ARAP2: variants seen among roughly 807,000 people sequenced by gnomAD.
The protein encoded by ARAP2 is arf-GAP with Rho-GAP domain, ANK repeat and PH domain-containing protein 2.
In ARAP2, 148 loss-of-function variants were observed where a neutral mutation model predicts 194.5. That is an observed-to-expected ratio of 0.76 (90% confidence interval 0.67 to 0.87). The LOEUF is 0.87. Ranked by LOEUF, ARAP2 falls within the 40% of genes least tolerant of loss-of-function variation. The pLI, the probability that ARAP2 is intolerant of heterozygous loss-of-function variation, is 0.00. For missense variants in ARAP2, 2,128 were observed against 1,989.7 expected, an observed-to-expected ratio of 1.07 and a Z score of -1.32; for synonymous variants, 695 against 683.5, an observed-to-expected ratio of 1.02 and a Z score of -0.26.
At chr4:36,173,543 G>GA (rs1281887300) in intron 9 of ARAP2, among the ~76,000 whole-genome samples, 6 of 151,568 alleles carry the variant, frequency 4.0e-5, no homozygotes, top group African/African-American at 1.5e-4. Context: ...AAATAGTTCA[G>GA]AAAAAAATTG....
At chr4:36,069,990 G>A (rs1423691577) in intron 32 of ARAP2, among the ~76,000 whole-genome samples, 1 of 151,898 alleles carries the variant, frequency 6.6e-6, no homozygotes, top group Admixed American at 6.6e-5. Context: ...CTTCCCCTTT[G>A]CGTTCTGCTA....
chr4:36,161,868 G>A lies in ARAP2; in HGVS notation c.2174-318C>T, dbSNP rs578259409. On this transcript the variant is annotated intron_variant, in intron 11 of 32. Transcript: ENST00000303965. ...TCACGCCTGTAATCCCAGCACTTTG[G>A]AAGGCCGAGGCGGGCGGATCACGAG... is the stretch of plus-strand genomic sequence containing the variant. 7.9e-5 allele frequency among the ~76,000 whole-genome samples: 12 copies of A among 151,248 alleles called. 1 individual carries two copies. In the South Asian group the frequency reaches 1.9e-3, roughly 24 times the overall value.
At chr4:36,040,659 A>T (rs758208962) in intron 5 of ARAP2, among the ~76,000 whole-genome samples, 8 of 151,338 alleles carry the variant, frequency 5.3e-5, no homozygotes, top group Non-Finnish European at 1.2e-4. Flanking sequence ...GTTGGTGTAT[A>T]GGAATGCTAG....
At chr4:36,122,831 A>C (rs61798150) in intron 22 of ARAP2, among the ~76,000 whole-genome samples, 45,825 of 151,680 alleles carry the variant, frequency 0.3, 8,178 homozygotes, top group East Asian at 0.48. Flanking sequence ...CTAAAAATGT[A>C]ACAGACGAGA....
intron 27 of ARAP2, among the ~76,000 whole-genome samples, chr4:36,095,287 CCTT>C (rs1219051686): frequency 6.6e-6 from 1 of 152,114 alleles, no homozygotes; most frequent in African/African-American, 2.4e-5. Flanking sequence ...ATCTTTTTCT[CCTT>C]ATTTTTACAT....
chr4:36,034,188 C>G (rs1486918021), intron 5 of ARAP2, among the ~76,000 whole-genome samples: 4 of 152,058 alleles, frequency 2.6e-5, no homozygotes, highest in African/African-American at 9.7e-5. Flanking sequence ...TGAAGAATGT[C>G]ATTGGTAGTA....
At chr4:36,206,694 T>A (rs952011493) in intron 6 of ARAP2, among the ~76,000 whole-genome samples, 1 of 152,188 alleles carries the variant, frequency 6.6e-6, no homozygotes, top group Admixed American at 6.5e-5. Flanking sequence ...ACTATTCACA[T>A]ATATATTTCT....
At position 36,068,213 on chromosome 4, in the gene ARAP2, A is replaced by C. The variant is rs151263096; in HGVS notation, c.4809T>G (p.Ser1603=). 25 of 1,612,224 alleles carry C rather than the reference A, an allele frequency of 1.6e-5. No homozygotes were observed. The African/African-American group carries it at 2.9e-4, about 19-fold the overall frequency. Residue 1603 remains serine (S), a synonymous_variant, in exon 33 of 33, where the codon TCT becomes TCG. Transcript: ENST00000303965. ...CCATGGAAGCTCTCTCCTTTAAGCT[A>C]GAGTCCACGGACTCTTTATCACACT... is the stretch of plus-strand genomic sequence containing the variant. ...SEKCDKESVD[S]SLKERASMVA...
intron 26 of ARAP2, 113 bp from the exon 27 acceptor site, chr4:36,107,806 A>G: frequency 1.1e-6 from 1 of 924,218 alleles, no homozygotes; most frequent in Non-Finnish European, 1.5e-6. Flanking sequence ...GCAACATTAT[A>G]CACAATCATA....
At chr4:36,060,953 T>C (rs1007680430) in intron 1 of ARAP2, among the ~76,000 whole-genome samples, 6 of 152,194 alleles carry the variant, frequency 3.9e-5, no homozygotes, top group Non-Finnish European at 1.5e-5. Context: ...GATTTCAACA[T>C]ATGATTTTTG....
intron 6 of ARAP2, among the ~76,000 whole-genome samples, chr4:36,209,648 A>G (rs934338938): frequency 6.6e-6 from 1 of 152,194 alleles, no homozygotes; most frequent in Non-Finnish European, 1.5e-5. Flanking sequence ...GACTCACCAC[A>G]TTAGCTACTG....
intron 11 of ARAP2, among the ~76,000 whole-genome samples, chr4:36,161,757 A>C (rs1375179256): frequency 6.8e-6 from 1 of 146,074 alleles, no homozygotes; most frequent in African/African-American, 2.5e-5. Context: ...TGGCTACAAT[A>C]AAAACAGCAG....
rs375366628 is a variant in ARAP2 at position 36,210,750 on chromosome 4, G to A, written c.1134-7C>T. On this transcript the variant is annotated splice_polypyrimidine_tract_variant and splice_region_variant and intron_variant, in intron 5 of 32. Transcript: ENST00000303965. ...CTTTCTGTTATCGTATATGCTAAAC[G>A]GAAAAATGATGTAAACATTTCAAAG... is the stretch of plus-strand genomic sequence containing the variant. 78 of 1,545,596 alleles carry A rather than the reference G, an allele frequency of 5.0e-5. No individual in the cohort carries two copies. The African/African-American group carries it at 6.5e-4, about 13-fold the overall frequency.
At chr4:36,112,121 A>G (rs1218383575) in intron 26 of ARAP2, among the ~76,000 whole-genome samples, 2 of 151,878 alleles carry the variant, frequency 1.3e-5, no homozygotes, top group African/African-American at 4.8e-5. Flanking sequence ...AGGAACCACA[A>G]TCCATATCAC....
intron 6 of ARAP2, among the ~76,000 whole-genome samples, chr4:36,206,850 G>T (rs1482126148): frequency 6.6e-6 from 1 of 151,406 alleles, no homozygotes; most frequent in Non-Finnish European, 1.5e-5. Context: ...CCTTCTCATG[G>T]CCAAAAAAAA....
At chr4:36,157,081 G>T (rs1451533122) in intron 15 of ARAP2, among the ~76,000 whole-genome samples, 1 of 151,990 alleles carries the variant, frequency 6.6e-6, no homozygotes, top group Non-Finnish European at 1.5e-5. Context: ...AACCACAATT[G>T]CCAAAAAATA....
At chr4:36,160,082 G>C (rs2109775047) in intron 13 of ARAP2, 1 of 989,626 alleles carries the variant, frequency 1.0e-6, no homozygotes, top group African/African-American at 1.7e-5. Flanking sequence ...ACAAACAATA[G>C]GAACTGTTAG....
chr4:36,129,329 T>A (rs1031494512), intron 20 of ARAP2, among the ~76,000 whole-genome samples: 1 of 151,922 alleles, frequency 6.6e-6, no homozygotes. Context: ...CCCAGGCTTC[T>A]TTTCCCTGTT....
chr4:36,070,066 G>A lies in ARAP2; in HGVS notation c.4744-1788C>T, dbSNP rs190193359. Among the ~76,000 whole-genome samples the A allele has an allele frequency of 3.3e-5, 5 of 152,134 alleles. No homozygotes were observed. In the East Asian group the frequency reaches 7.7e-4, roughly 24 times the overall value. On this transcript the variant is annotated intron_variant, in intron 32 of 32. Transcript: ENST00000303965. ...ATGCCACCATGCTTCCTGTGAAACC[G>A]TGGGCTAATTAAACATCTTTTCTTC...
Sources: allele counts gnomAD v4.1 joint callset (sites outside exome capture counted in the v4.1 genomes callset), GRCh38; gene constraint gnomAD v4.1.1; transcripts MANE v1.5; gene names NCBI Gene and HGNC (gene_info 2026-07-23, HGNC 2026-07-21).